Variants in RBFOX3 observed in about 807,000 individuals in gnomAD.
RBFOX3 encodes the protein RNA binding fox-1 homolog 3, also known as RNA binding protein fox-1 homolog 3.
RBFOX3 carries 17 observed loss-of-function variants against 48.7 expected under a neutral mutation model. The observed-to-expected ratio is 0.35, with a 90% CI of 0.24 to 0.52. RBFOX3 has a LOEUF of 0.52. RBFOX3 is among the 20% of genes least tolerant of loss of function. RBFOX3 has a pLI of 0.94. For synonymous variants in RBFOX3, 212 were observed against 209.5 expected (o/e 1.01, Z -0.10); for missense variants, 382 against 497.5 (o/e 0.77, Z 2.21).
At chr17:79,307,159 C>T (rs914196083) in intron 3 of RBFOX3, among the ~76,000 whole-genome samples, 19 of 152,360 alleles carry the variant, frequency 1.2e-4, no homozygotes, top group Admixed American at 2.6e-4. Context: ...CCTCGGGGCG[C>T]GGAAGGAGGG....
chr17:79,587,076 C>T (rs1214572056), intron 1 of RBFOX3, among the ~76,000 whole-genome samples: 4 of 152,150 alleles, frequency 2.6e-5, no homozygotes, highest in Admixed American at 1.3e-4. Context: ...AATAACTGGC[C>T]GGTCCCAAGA....
rs1212313366 is a variant in RBFOX3 at position 79,473,262 on chromosome 17, A to C, written c.-175+9192T>G. ...ACAGACCTCACTTTGAGTAGCTGAG[A>C]TATGGGTCATGTGAGACGTGTCCTC... is the stretch of plus-strand genomic sequence containing the variant. On this transcript the variant is annotated intron_variant, in intron 2 of 14. Coordinates refer to ENST00000693108, the MANE Select transcript of RBFOX3 (RefSeq NM_001350451.2). This position sits in a 1 kb window ranked among gnomAD's most constrained non-coding sequence, Gnocchi z 4.2. Among the ~76,000 whole-genome samples, 1 of 152,188 alleles carries C rather than the reference A, an allele frequency of 6.6e-6. No homozygotes were observed. The highest frequency in any genetic ancestry group is 1.5e-5 in the Non-Finnish European group (1 of 68,038).
intron 4 of RBFOX3, among the ~76,000 whole-genome samples, chr17:79,190,126 T>C (rs1329303634): frequency 6.6e-6 from 1 of 152,058 alleles, no homozygotes; most frequent in African/African-American, 2.4e-5. Context: ...AATAACAGAG[T>C]GAAGGCCGGG....
At chr17:79,293,192 A>G (rs1003675274) in intron 3 of RBFOX3, among the ~76,000 whole-genome samples, 2 of 152,208 alleles carry the variant, frequency 1.3e-5, no homozygotes, top group African/African-American at 2.4e-5. Context: ...TCTCCGTTTA[A>G]CAGGTAAGAA....
intron 5 of RBFOX3, among the ~76,000 whole-genome samples, chr17:79,114,081 C>T (rs979125007): frequency 6.6e-6 from 1 of 152,330 alleles, no homozygotes; most frequent in East Asian, 1.9e-4. Context: ...CATAAGGTGG[C>T]TGTCAGAGGT....
chr17:79,144,967 C>T (rs1338502769), intron 4 of RBFOX3, among the ~76,000 whole-genome samples: 3 of 152,222 alleles, frequency 2.0e-5, no homozygotes, highest in Non-Finnish European at 2.9e-5. Context: ...TGCTCCCACA[C>T]GCTGGTTCCC....
At chr17:79,098,240 C>T (rs1477109774) in intron 9 of RBFOX3, 1 of 157,694 alleles carries the variant, frequency 6.3e-6, no homozygotes, top group African/African-American at 2.4e-5. Flanking sequence ...AAGTCCCCGT[C>T]CTGCTCCCTC....
chr17:79,466,458 G>C (rs2076331091), intron 2 of RBFOX3, among the ~76,000 whole-genome samples: 1 of 152,154 alleles, frequency 6.6e-6, no homozygotes, highest in African/African-American at 2.4e-5. Context: ...TCCTTGCCTG[G>C]CTTTCTGCAG....
intron 4 of RBFOX3, among the ~76,000 whole-genome samples, chr17:79,162,740 G>C (rs2047219009): frequency 6.6e-6 from 1 of 152,214 alleles, no homozygotes. Context: ...CGGGTGTTGT[G>C]GGTGGTGTGG....
At chr17:79,356,010 T>C (rs2147125361) in intron 2 of RBFOX3, among the ~76,000 whole-genome samples, 1 of 152,256 alleles carries the variant, frequency 6.6e-6, no homozygotes, top group East Asian at 1.9e-4. Flanking sequence ...CACTCCTAAC[T>C]CCAAATATCA....
At chr17:79,553,935 C>T (rs1352698241) in intron 1 of RBFOX3, among the ~76,000 whole-genome samples, 5 of 152,180 alleles carry the variant, frequency 3.3e-5, no homozygotes, top group African/African-American at 9.6e-5. Context: ...GGTTTCACCA[C>T]GTTGGCCAGA....
At chr17:79,533,446 T>G (rs1330922957) in intron 1 of RBFOX3, among the ~76,000 whole-genome samples, 5 of 152,246 alleles carry the variant, frequency 3.3e-5, no homozygotes, top group African/African-American at 9.6e-5. Context: ...ATGCTCAACA[T>G]GGTCTGCACC....
chr17:79,355,931 C>G (rs967079579), intron 2 of RBFOX3, among the ~76,000 whole-genome samples: 2 of 152,188 alleles, frequency 1.3e-5, no homozygotes, highest in African/African-American at 4.8e-5. Context: ...AAAATTCCAG[C>G]TCTGCTAAAT....
chr17:79,182,861 C>T (rs1347522501), intron 4 of RBFOX3, among the ~76,000 whole-genome samples: 1 of 151,228 alleles, frequency 6.6e-6, no homozygotes, highest in Non-Finnish European at 1.5e-5. Context: ...GCTTTCCCGA[C>T]GCTGCCAGGG....
At chr17:79,277,431 G>A (rs898534) in intron 3 of RBFOX3, among the ~76,000 whole-genome samples, 13,651 of 152,236 alleles carry the variant, frequency 0.09, 739 homozygotes, top group East Asian at 0.18. Flanking sequence ...ATCATTAGCT[G>A]AGGTTCTAAT....
intron 2 of RBFOX3, among the ~76,000 whole-genome samples, chr17:79,349,858 C>G (rs2083562044): frequency 6.6e-6 from 1 of 151,474 alleles, no homozygotes; most frequent in Admixed American, 6.6e-5. Context: ...AATGGGTTCC[C>G]TGAGCCCCCC....
At chr17:79,656,749 A>G in the RBFOX3 span, among the ~76,000 whole-genome samples, 2,989 of 48,982 alleles carry the variant, frequency 0.061, 86 homozygotes, top group African/African-American at 0.082. Flanking sequence ...AAAGAAAGAA[A>G]GAAGGAAGGA....
intron 5 of RBFOX3, among the ~76,000 whole-genome samples, chr17:79,114,426 G>A (rs2146961570): frequency 6.6e-6 from 1 of 152,340 alleles, no homozygotes; most frequent in South Asian, 2.1e-4. Context: ...CCGCCTGGGT[G>A]CCAGATGAGG....
chr17:79,465,450 G>A (rs1439419354), intron 2 of RBFOX3, among the ~76,000 whole-genome samples: 3 of 152,116 alleles, frequency 2.0e-5, no homozygotes, highest in Non-Finnish European at 2.9e-5. Context: ...CCTGCCCAGC[G>A]AACAGATGGC....
Sources: gnomAD v4.1 joint callset for allele counts (sites outside exome capture counted in the v4.1 genomes callset) on GRCh38, gnomAD v4.1.1 for gene constraint, Gnocchi (gnomAD v3.1) non-coding constraint, MANE v1.5 for transcripts, NCBI Gene and HGNC (gene_info 2026-07-23, HGNC 2026-07-21) for gene names.